HEATR4: variants seen among roughly 807,000 people sequenced by gnomAD.
HEATR4 encodes HEAT repeat containing 4, also known as HEAT repeat-containing protein 4.
HEATR4 carries 95 observed loss-of-function variants against 108.8 expected under a neutral mutation model. That is an observed-to-expected ratio of 0.87 (90% confidence interval 0.74 to 1.04). HEATR4 has a LOEUF of 1.04. Ranked by LOEUF, HEATR4 falls within the 50% of genes least tolerant of loss-of-function variation. The pLI is 0.00. For missense variants in HEATR4, 1,152 were observed against 1,253.8 expected, an observed-to-expected ratio of 0.92 and a Z score of 1.23; for synonymous variants, 443 against 459.4, an observed-to-expected ratio of 0.96 and a Z score of 0.46.
chr14:73,619,066 G>A, the HEATR4 span, among the ~76,000 whole-genome samples: 13 of 152,140 alleles, frequency 8.5e-5, no homozygotes, highest in African/African-American at 3.1e-4. Flanking sequence ...GGAGGTGGAG[G>A]TTACAGTGAG....
the HEATR4 span, among the ~76,000 whole-genome samples, chr14:73,633,007 C>CTCTT: frequency 1.2e-3 from 143 of 122,062 alleles, 1 homozygote; most frequent in African/African-American, 4.2e-3. Context: ...CTCTCTCTCT[C>CTCTT]TTTTTTTTTT....
intron 2 of HEATR4, among the ~76,000 whole-genome samples, chr14:73,524,310 A>AAAATATATATATATATATATAT: frequency 1.8e-5 from 1 of 54,780 alleles, no homozygotes; most frequent in South Asian, 7.9e-4. Flanking sequence ...AAAAAAAAAA[A>AAAATATATATATATATATATAT]ATATATATAT....
In HEATR4 at chr14:73,506,804, G is replaced by GTTTTTTTTT. The variant is rs34660727; in HGVS notation, c.1882-242_1882-234dup. Among the ~76,000 whole-genome samples, 603 of 80,418 alleles carry GTTTTTTTTT rather than the reference G, an allele frequency of 7.5e-3. 115 individuals carry two copies. Among genetic ancestry groups the GTTTTTTTTT allele is most frequent in the African/African-American group, 0.023 (474 of 20,364 alleles). The allele number at this position is 80,418 out of a possible 152,430, so 52.8% of individuals were successfully genotyped here. The stretch of plus-strand genomic sequence containing the variant: ...GGACCTTCCTTTCCTGACTTTAACT[G>GTTTTTTTTT]TTTTTTTTTTTTTTTTTTTTTCTGA... On this transcript the variant is annotated intron_variant, in intron 9 of 17. Transcript: ENST00000553558.
At chr14:73,590,515 G>A in the HEATR4 span, among the ~76,000 whole-genome samples, 113 of 152,356 alleles carry the variant, frequency 7.4e-4, 1 homozygote, top group African/African-American at 2.6e-3. Context: ...GGGACTGGGC[G>A]TTAGTGGAGC....
At chr14:73,585,453 G>A in the HEATR4 span, among the ~76,000 whole-genome samples, 2 of 152,134 alleles carry the variant, frequency 1.3e-5, no homozygotes, top group African/African-American at 4.8e-5. Flanking sequence ...GGGAGGCTGA[G>A]GTGGGCGGAT....
At chr14:73,617,721 C>A in the HEATR4 span, among the ~76,000 whole-genome samples, 1 of 151,978 alleles carries the variant, frequency 6.6e-6, no homozygotes, top group Non-Finnish European at 1.5e-5. Context: ...TTTTTTGAGA[C>A]AACTGGAGAC....
chr14:73,586,586 G>A, the HEATR4 span, among the ~76,000 whole-genome samples: 4 of 151,398 alleles, frequency 2.6e-5, no homozygotes, highest in South Asian at 8.4e-4. Flanking sequence ...TGCACCTGTA[G>A]TTCCAGCTAC....
chr14:73,557,339 C>A (rs71427201), intron 1 of HEATR4, among the ~76,000 whole-genome samples: 9,816 of 110,772 alleles, frequency 0.089, 2,302 homozygotes, highest in Middle Eastern at 0.23. Flanking sequence ...TCAACTCAAA[C>A]TGGGTAGTAT....
At chr14:73,593,795 C>T in the HEATR4 span, 1 of 1,614,014 alleles carries the variant, frequency 6.2e-7, no homozygotes, top group East Asian at 2.2e-5. Context: ...CATGGCTTTG[C>T]CACGTTGGCT....
the HEATR4 span, chr14:73,573,435 G>A: frequency 1.5e-5 from 25 of 1,613,698 alleles, no homozygotes; most frequent in Middle Eastern, 6.6e-4. Context: ...AACTGGAGGT[G>A]GCCTGCTGGA....
Position 73,492,565 on chromosome 14 carries a change from T to C in HEATR4, c.2844+501A>G. ...ATTCTCTGCCCCCTGTTTTGACTGA[T>C]AGGGAGAGGGCACTAAGTGTTTACG... is the stretch of plus-strand genomic sequence containing the variant. On this transcript the variant is annotated intron_variant, in intron 17 of 17. Coordinates refer to ENST00000553558, the MANE Select transcript of HEATR4 (RefSeq NM_001220484.1). This position sits in a 1 kb window ranked among gnomAD's most constrained non-coding sequence, Gnocchi z 4.9. 6.2e-7 allele frequency: 1 copy of C among 1,613,792 alleles called. No individual in the cohort carries two copies. Among genetic ancestry groups the C allele is most frequent in the Non-Finnish European group, 8.5e-7 (1 of 1,179,828 alleles).
chr14:73,498,217 C>G lies in HEATR4; in HGVS notation c.2484G>C (p.Gly828=). 1 of 1,613,982 alleles carries G rather than the reference C, an allele frequency of 6.2e-7. No homozygotes were observed. Among genetic ancestry groups the G allele is most frequent in the Non-Finnish European group, 8.5e-7 (1 of 1,179,972 alleles). ...CTAGGAAGGTGTCCCTGACCCGGTCCCCTTGAAGTTTCAGGGCTAGGATGC... is the reference window on the plus strand; with the variant it reads ...CTAGGAAGGTGTCCCTGACCCGGTCGCCTTGAAGTTTCAGGGCTAGGATGC... ...CRSILALKLQ[G]DRVRDTFLDV... The change falls in exon 14 of 18, where the codon GGG becomes GGC. Residue 828 remains glycine, a synonymous_variant. Coordinates refer to ENST00000553558, the MANE Select transcript of HEATR4 (RefSeq NM_001220484.1).
chr14:73,491,966 G>A (rs1274948306), intron 17 of HEATR4: 1 of 1,613,968 alleles, frequency 6.2e-7, no homozygotes, highest in Non-Finnish European at 8.5e-7. Context: ...TGTGCTTCAA[G>A]AGCAGTTTGG....
chr14:73,583,851 T>G, the HEATR4 span, among the ~76,000 whole-genome samples: 1 of 151,754 alleles, frequency 6.6e-6, no homozygotes, highest in Non-Finnish European at 1.5e-5. Flanking sequence ...AATACAAAAA[T>G]TAGCCGGGTG....
chr14:73,483,097 G>A (rs11623257), intron 17 of HEATR4, among the ~76,000 whole-genome samples: 19,642 of 152,154 alleles, frequency 0.13, 1,753 homozygotes, highest in East Asian at 0.21. Flanking sequence ...GAAAAACTTC[G>A]GAAATGTGTG....
chr14:73,479,672 C>A (rs1381142844), intron 17 of HEATR4, among the ~76,000 whole-genome samples: 1 of 148,420 alleles, frequency 6.7e-6, no homozygotes, highest in Non-Finnish European at 1.5e-5. Context: ...TCAGGTGATC[C>A]GCCGGCCTCG....
chr14:73,593,495 C>T, the HEATR4 span, among the ~76,000 whole-genome samples: 2 of 150,466 alleles, frequency 1.3e-5, no homozygotes, highest in African/African-American at 4.9e-5. Flanking sequence ...TACACCACCA[C>T]ACTGACTAAT....
At chr14:73,526,441 C>A (rs539415275) in intron 2 of HEATR4, among the ~76,000 whole-genome samples, 9 of 152,254 alleles carry the variant, frequency 5.9e-5, no homozygotes, top group Admixed American at 5.9e-4. Flanking sequence ...TGTGTGTGAC[C>A]GCGTGTGACA....
At chr14:73,484,798 A>C (rs371802179) in intron 17 of HEATR4, among the ~76,000 whole-genome samples, 1 of 151,836 alleles carries the variant, frequency 6.6e-6, no homozygotes, top group Non-Finnish European at 1.5e-5. Context: ...CCAGATATTC[A>C]ACTATGCAGG....
Sources: gnomAD v4.1 joint callset for allele counts (sites outside exome capture counted in the v4.1 genomes callset) on GRCh38, gnomAD v4.1.1 for gene constraint, Gnocchi (gnomAD v3.1) non-coding constraint, MANE v1.5 for transcripts, NCBI Gene and HGNC (gene_info 2026-07-23, HGNC 2026-07-21) for gene names.